The following HECW2 variants were observed in gnomAD, a reference collection of about 807,000 sequenced individuals.
HECW2 encodes E3 ubiquitin-protein ligase HECW2.
A neutral mutation model predicts 175.2 loss-of-function variants in HECW2; 61 were observed. The observed-to-expected ratio is 0.35, with a 90% CI of 0.28 to 0.43. HECW2 has a LOEUF of 0.43. Ranked by LOEUF, HECW2 falls within the 20% of genes least tolerant of loss-of-function variation. HECW2 has a pLI of 1.00. For missense variants in HECW2, 1,524 were observed against 2,000.5 expected (o/e 0.76, Z 4.54); for synonymous variants, 671 against 731.0 (o/e 0.92, Z 1.32).
In HECW2 at chr2:196,307,186, T is replaced by A. The variant is rs745320317; in HGVS notation, c.2633A>T (p.Asn878Ile). The change falls in exon 12 of 29, where the codon AAT becomes ATT. Residue 878 changes from asparagine (N) to isoleucine (I), a missense_variant. Around this residue, in one of 11 missense-constraint regions of HECW2, gnomAD observed 105 missense variants for 98.1 expected, o/e 1.07. Coordinates refer to ENST00000644978, the MANE Select transcript of HECW2 (RefSeq NM_001348768.2). ...RTMTNERPEE[N>I]TNAIDGAGEE... ...CCCTGCCCCATCAATAGCATTGGTA[T>A]TTTCCTCAGGCCTCTCATTGGTCAT... is the stretch of plus-strand genomic sequence containing the variant. 2 of 1,613,988 alleles carry A rather than the reference T, an allele frequency of 1.2e-6. No individual in the cohort carries two copies. Among genetic ancestry groups the A allele is most frequent in the South Asian group, 2.2e-5 (2 of 91,080 alleles).
At chr2:196,331,206 A>C (rs2105794184) in intron 4 of HECW2, 1 of 985,328 alleles carries the variant, frequency 1.0e-6, no homozygotes, top group South Asian at 4.7e-5. Context: ...TTCCATCTAT[A>C]GATCCAATTC....
chr2:196,544,975 G>C (rs186868278), intron 1 of HECW2, among the ~76,000 whole-genome samples: 21 of 152,300 alleles, frequency 1.4e-4, no homozygotes, highest in Admixed American at 1.3e-3. Flanking sequence ...CCCCTCTCAA[G>C]GGCAAGCTCA....
chr2:196,241,880 T>G (rs1380777915), intron 20 of HECW2, among the ~76,000 whole-genome samples: 1 of 152,264 alleles, frequency 6.6e-6, no homozygotes, highest in African/African-American at 2.4e-5. Context: ...GTGTCTTCAC[T>G]ATTTGTTTTA....
intron 10 of HECW2, 157 bp from the exon 11 acceptor site, chr2:196,308,242 C>G (rs1043515505): frequency 4.4e-6 from 2 of 459,718 alleles, no homozygotes; most frequent in Non-Finnish European, 7.5e-6. Context: ...CTCCCCAGTT[C>G]ACTCCAGAAT....
rs569121567 is a variant in HECW2, at chr2:196,349,457, C to T, written c.293-5693G>A. Reference sequence around the variant, plus strand: ...ATTAAGCTTGTCCCTTTGTGTCTCACGACTTCTTCATTCTCTTACAAGTCT... The same window carrying T: ...ATTAAGCTTGTCCCTTTGTGTCTCATGACTTCTTCATTCTCTTACAAGTCT... On this transcript the variant is annotated intron_variant, in intron 2 of 28. Coordinates refer to ENST00000644978, the MANE Select transcript of HECW2 (RefSeq NM_001348768.2). Among the ~76,000 whole-genome samples the T allele has an allele frequency of 1.4e-4, 22 of 152,182 alleles. No individual in the cohort carries two copies. The South Asian group carries it at 2.3e-3, about 16-fold the overall frequency.
chr2:196,245,526 A>C (rs1019585947), intron 19 of HECW2, among the ~76,000 whole-genome samples: 1 of 152,186 alleles, frequency 6.6e-6, no homozygotes, highest in Non-Finnish European at 1.5e-5. Context: ...CAGGGCTGGA[A>C]TTGGGGTGAG....
intron 14 of HECW2, among the ~76,000 whole-genome samples, chr2:196,285,372 C>T (rs764613407): frequency 3.3e-5 from 5 of 152,134 alleles, no homozygotes; most frequent in African/African-American, 7.2e-5. Context: ...TGCTACAGAA[C>T]GCTACAGAAA....
chr2:196,250,978 C>T (rs1048899444), intron 19 of HECW2, among the ~76,000 whole-genome samples: 1 of 152,184 alleles, frequency 6.6e-6, no homozygotes. Context: ...TGGCAAAGAC[C>T]ATTGATAATG....
intron 6 of HECW2, among the ~76,000 whole-genome samples, chr2:196,323,231 G>C (rs1692014493): frequency 6.6e-6 from 1 of 152,196 alleles, no homozygotes; most frequent in Non-Finnish European, 1.5e-5. Context: ...GGTTAAGATA[G>C]CTTTTGTTGT....
At chr2:196,207,543 C>T (rs1259426563) in intron 28 of HECW2, among the ~76,000 whole-genome samples, 1 of 152,144 alleles carries the variant, frequency 6.6e-6, no homozygotes, top group African/African-American at 2.4e-5. Flanking sequence ...CTGACCTTCA[C>T]CAGGTGTTCG....
chr2:196,485,539 G>A (rs1686972784), intron 1 of HECW2, among the ~76,000 whole-genome samples: 1 of 152,140 alleles, frequency 6.6e-6, no homozygotes, highest in South Asian at 2.1e-4. Flanking sequence ...GCAGGGGGAT[G>A]AGACAGCAGA....
chr2:196,237,963 A>C (rs556068510), intron 21 of HECW2, among the ~76,000 whole-genome samples: 1 of 152,366 alleles, frequency 6.6e-6, no homozygotes, highest in African/African-American at 2.4e-5. Flanking sequence ...TGCCAGATAC[A>C]TGTGTTTTTA....
At chr2:196,449,544 A>C (rs1696285261) in intron 1 of HECW2, among the ~76,000 whole-genome samples, 1 of 152,184 alleles carries the variant, frequency 6.6e-6, no homozygotes, top group African/African-American at 2.4e-5. Context: ...AATTATTTTA[A>C]CTCATTATAT....
At chr2:196,429,044 G>A (rs1310503794) in intron 2 of HECW2, among the ~76,000 whole-genome samples, 1 of 152,172 alleles carries the variant, frequency 6.6e-6, no homozygotes, top group Non-Finnish European at 1.5e-5. Flanking sequence ...AAGAAATCGT[G>A]TCTTTTCACC....
At chr2:196,445,158 T>A (rs142955329) in intron 1 of HECW2, among the ~76,000 whole-genome samples, 1 of 152,382 alleles carries the variant, frequency 6.6e-6, no homozygotes, top group East Asian at 1.9e-4. Flanking sequence ...TGAAGATTCA[T>A]GTCTTCTCCT....
chr2:196,285,639 T>C (rs1406731410), intron 14 of HECW2, among the ~76,000 whole-genome samples: 1 of 152,184 alleles, frequency 6.6e-6, no homozygotes, highest in Non-Finnish European at 1.5e-5. Flanking sequence ...TCCCCCAAGA[T>C]TCCCCCAGTT....
intron 7 of HECW2, 50 bp from the exon 8 acceptor site, chr2:196,320,489 T>G (rs948930691): frequency 8.2e-7 from 1 of 1,219,960 alleles, no homozygotes; most frequent in Non-Finnish European, 1.2e-6. Context: ...GGAGTCAGCC[T>G]TCGCCGTCTT....
chr2:196,324,963 C>T lies in HECW2; in HGVS notation c.741+17G>A, dbSNP rs755375962. On this transcript the variant is annotated intron_variant, in intron 6 of 28. Coordinates refer to ENST00000644978, the MANE Select transcript of HECW2 (RefSeq NM_001348768.2). ...CTTCCTCACCATCAAGTAGGAGACC[C>T]CCGAGGATCATCTTACCTCTCGGTG... 4 of 1,544,936 alleles carry T rather than the reference C, an allele frequency of 2.6e-6. No individual in the cohort carries two copies. The highest frequency in any genetic ancestry group is 3.5e-6 in the Non-Finnish European group (4 of 1,149,666).
intron 1 of HECW2, among the ~76,000 whole-genome samples, chr2:196,438,768 C>T (rs149167918): frequency 9.1e-4 from 139 of 152,350 alleles, no homozygotes; most frequent in Admixed American, 2.5e-3. Flanking sequence ...ATGAAGACAT[C>T]CAGTCCGGGG....
Sources: gnomAD v4.1 joint callset for allele counts (sites outside exome capture counted in the v4.1 genomes callset) on GRCh38, gnomAD v4.1.1 for gene constraint, gnomAD v4.1.1 regional missense constraint, MANE v1.5 for transcripts, NCBI Gene and HGNC (gene_info 2026-07-23, HGNC 2026-07-21) for gene names.